The following PPARGC1A variants were observed in gnomAD, a reference collection of about 807,000 sequenced individuals.
PPARGC1A encodes the protein PPARG coactivator 1 alpha, also known as peroxisome proliferator-activated receptor gamma coactivator 1-alpha.
In PPARGC1A, 25 loss-of-function variants were observed where a neutral mutation model predicts 88.7. The observed-to-expected ratio is 0.28, with a 90% CI of 0.21 to 0.39. The LOEUF (loss-of-function observed/expected upper bound fraction) is 0.39. Among genes scored for constraint, PPARGC1A ranks in the 10% least tolerant of loss-of-function variants. The pLI, the probability that PPARGC1A is intolerant of heterozygous loss-of-function variation, is 1.00. For missense variants in PPARGC1A, 880 were observed against 968.7 expected (o/e 0.91, Z 1.22); for synonymous variants, 363 against 355.6 (o/e 1.02, Z -0.24).
chr4:24,251,296 C>T, the PPARGC1A span, among the ~76,000 whole-genome samples: 16 of 152,192 alleles, frequency 1.1e-4, no homozygotes, highest in Admixed American at 1.0e-3. Flanking sequence ...GTTAAATAAA[C>T]AATACCTACT....
the PPARGC1A span, among the ~76,000 whole-genome samples, chr4:23,948,606 C>G: frequency 2.6e-5 from 4 of 152,146 alleles, no homozygotes; most frequent in African/African-American, 9.7e-5. Context: ...TGGTCTTGAA[C>G]TTGAATTTGC....
the PPARGC1A span, among the ~76,000 whole-genome samples, chr4:24,253,089 C>G: frequency 4.6e-5 from 7 of 152,094 alleles, no homozygotes; most frequent in Non-Finnish European, 8.8e-5. Context: ...TAAAAAGTCT[C>G]TCCTCTGCAA....
chr4:23,868,117 C>A (rs1023897115), intron 2 of PPARGC1A, among the ~76,000 whole-genome samples: 1 of 152,062 alleles, frequency 6.6e-6, no homozygotes, highest in African/African-American at 2.4e-5. Flanking sequence ...CATTGAGTGG[C>A]AGAGCCCTTT....
the PPARGC1A span, among the ~76,000 whole-genome samples, chr4:24,294,791 TGACAA>T: frequency 6.6e-6 from 1 of 152,206 alleles, no homozygotes; most frequent in Non-Finnish European, 1.5e-5. Flanking sequence ...AAAGATGCAA[TGACAA>T]GACAAGAAGG....
chr4:24,436,916 G>A, the PPARGC1A span, among the ~76,000 whole-genome samples: 1 of 152,028 alleles, frequency 6.6e-6, no homozygotes, highest in Non-Finnish European at 1.5e-5. Context: ...AGCTGACAGC[G>A]ATTGGCCACC....
the PPARGC1A span, among the ~76,000 whole-genome samples, chr4:23,984,712 A>C: frequency 1.3e-5 from 2 of 152,234 alleles, no homozygotes; most frequent in Admixed American, 6.5e-5. Flanking sequence ...GATTCTCTCA[A>C]CATCTTCAAG....
At chr4:24,237,244 T>TG in the PPARGC1A span, among the ~76,000 whole-genome samples, 546 of 148,202 alleles carry the variant, frequency 3.7e-3, 2 homozygotes, top group Middle Eastern at 0.014. Context: ...GAGATTGGAT[T>TG]TTTTTTTTTT....
At chr4:24,170,145 G>A in the PPARGC1A span, among the ~76,000 whole-genome samples, 1 of 152,182 alleles carries the variant, frequency 6.6e-6, no homozygotes, top group Non-Finnish European at 1.5e-5. Flanking sequence ...AGCATAGCAG[G>A]TGGTGCCACC....
intron 2 of PPARGC1A, among the ~76,000 whole-genome samples, chr4:23,857,369 G>A (rs1730366063): frequency 9.4e-6 from 1 of 106,900 alleles, no homozygotes; most frequent in Non-Finnish European, 1.9e-5. Context: ...GCGTGTGTGT[G>A]TGTGACACAC....
the PPARGC1A span, among the ~76,000 whole-genome samples, chr4:24,357,980 A>G: frequency 6.6e-6 from 1 of 152,184 alleles, no homozygotes; most frequent in Non-Finnish European, 1.5e-5. Context: ...TGCTTAATCT[A>G]TCTCTAAAGG....
chr4:23,971,490 C>T, the PPARGC1A span, among the ~76,000 whole-genome samples: 4 of 152,128 alleles, frequency 2.6e-5, no homozygotes, highest in Admixed American at 1.3e-4. Context: ...CCACAATAGG[C>T]CGTCTGCAGG....
chr4:24,154,622 C>T, the PPARGC1A span, among the ~76,000 whole-genome samples: 2 of 152,132 alleles, frequency 1.3e-5, no homozygotes, highest in African/African-American at 2.4e-5. Flanking sequence ...AGGTGAAGCG[C>T]ATGTCCCGTT....
At chr4:23,958,015 G>A in the PPARGC1A span, among the ~76,000 whole-genome samples, 1 of 151,996 alleles carries the variant, frequency 6.6e-6, no homozygotes, top group Non-Finnish European at 1.5e-5. Context: ...CCCTGTGTGT[G>A]CATTTAAATT....
At chr4:24,143,974 C>G in the PPARGC1A span, among the ~76,000 whole-genome samples, 14 of 152,194 alleles carry the variant, frequency 9.2e-5, no homozygotes, top group African/African-American at 3.1e-4. Flanking sequence ...TTTGACTGAA[C>G]AACAAGTACA....
the PPARGC1A span, among the ~76,000 whole-genome samples, chr4:23,928,935 T>C: frequency 6.6e-6 from 1 of 151,714 alleles, no homozygotes; most frequent in African/African-American, 2.4e-5. Flanking sequence ...TGAGAACACA[T>C]GGACACAGGG....
At chr4:23,857,863 C>A (rs1730487413) in intron 2 of PPARGC1A, among the ~76,000 whole-genome samples, 1 of 151,610 alleles carries the variant, frequency 6.6e-6, no homozygotes, top group South Asian at 2.1e-4. Context: ...GGTACTAAGC[C>A]TAGTTCAACA....
intron 2 of PPARGC1A, among the ~76,000 whole-genome samples, chr4:23,852,738 G>A (rs1729526488): frequency 6.6e-6 from 1 of 151,938 alleles, no homozygotes; most frequent in African/African-American, 2.4e-5. Flanking sequence ...GTATTATACA[G>A]CATCATGCCA....
the PPARGC1A span, among the ~76,000 whole-genome samples, chr4:24,410,092 T>C: frequency 6.6e-6 from 1 of 152,210 alleles, no homozygotes; most frequent in Non-Finnish European, 1.5e-5. Flanking sequence ...AAGCCAAGTA[T>C]CCGTAACTGA....
At chr4:23,930,099 C>T in the PPARGC1A span, among the ~76,000 whole-genome samples, 1 of 152,132 alleles carries the variant, frequency 6.6e-6, no homozygotes, top group African/African-American at 2.4e-5. Flanking sequence ...TAAATGATAT[C>T]ATCTGAATTT....
Sources: allele counts gnomAD v4.1 joint callset (sites outside exome capture counted in the v4.1 genomes callset), GRCh38; gene constraint gnomAD v4.1.1; transcripts MANE v1.5; gene names NCBI Gene and HGNC (gene_info 2026-07-23, HGNC 2026-07-21).